Variants in LIPA observed in about 807,000 individuals in gnomAD.
LIPA encodes the protein lysosomal acid lipase/cholesteryl ester hydrolase.
In LIPA, 26 loss-of-function variants were observed where a neutral mutation model predicts 40.6. The ratio of observed to expected loss-of-function variants is 0.64; its 90% CI spans 0.47 to 0.89. The LOEUF (loss-of-function observed/expected upper bound fraction) is 0.89, where lower values mean the gene tolerates loss of function less well. Ranked by LOEUF, LIPA falls within the 40% of genes least tolerant of loss-of-function variation. The probability of loss-of-function intolerance (pLI) is 0.00; values close to 1 mark genes in which losing one functional copy is unlikely to be tolerated. For synonymous variants in LIPA, 188 were observed against 168.4 expected (o/e 1.12, Z -0.90); for missense variants, 455 against 479.6 (o/e 0.95, Z 0.48).
At chr10:89,237,542 G>C (rs192886759) in intron 3 of LIPA, among the ~76,000 whole-genome samples, 1 of 152,244 alleles carries the variant, frequency 6.6e-6, no homozygotes, top group East Asian at 1.9e-4. Context: ...GAAGGGATAG[G>C]CTAACTCTAC....
At chr10:89,297,220 C>T (rs900524550) in intron 1 of LIPA, among the ~76,000 whole-genome samples, 2 of 152,168 alleles carry the variant, frequency 1.3e-5, no homozygotes, top group Non-Finnish European at 2.9e-5. Context: ...GTCCACATCC[C>T]TCCTGCAAAC....
At chr10:89,243,482 A>G (rs1195603677) in intron 3 of LIPA, among the ~76,000 whole-genome samples, 1 of 152,206 alleles carries the variant, frequency 6.6e-6, no homozygotes, top group Non-Finnish European at 1.5e-5. Flanking sequence ...TAGAGTAAAT[A>G]CTTTCAGTCT....
At chr10:89,409,074 A>G (rs899377591) in intron 2 of LIPA, among the ~76,000 whole-genome samples, 1 of 152,188 alleles carries the variant, frequency 6.6e-6, no homozygotes, top group Non-Finnish European at 1.5e-5. Flanking sequence ...CGGCTACGGG[A>G]GGCCTTAAGA....
intron 3 of LIPA, among the ~76,000 whole-genome samples, chr10:89,242,026 G>T (rs1842970743): frequency 6.6e-6 from 1 of 151,894 alleles, no homozygotes. Flanking sequence ...CCAAAACCAA[G>T]AATTCTACCT....
chr10:89,245,702 T>G lies in LIPA; in HGVS notation c.203A>C (p.His68Pro), dbSNP rs757920082. The change falls in exon 3 of 10, where the codon CAT becomes CCT. Residue 68 changes from histidine to proline, a missense_variant. Transcript: ENST00000336233. ...GYILCLNRIP[H>P]GRKNHSDKGP... ...TTTGTCAGAATGGTTCTTCCTCCCA[T>G]GAGGAATTCGGTTAAGGCACAGAAT... The G allele has an allele frequency of 6.3e-7, 1 of 1,588,446 alleles. No individual in the cohort carries two copies.
At chr10:89,242,743 G>T (rs770446138) in intron 3 of LIPA, among the ~76,000 whole-genome samples, 1 of 152,174 alleles carries the variant, frequency 6.6e-6, no homozygotes, top group Non-Finnish European at 1.5e-5. Context: ...CAGTATTTTT[G>T]TGTGTATTAA....
At chr10:89,329,062 T>C (rs1227904205) in intron 1 of LIPA, among the ~76,000 whole-genome samples, 1 of 152,148 alleles carries the variant, frequency 6.6e-6, no homozygotes, top group African/African-American at 2.4e-5. Context: ...CTTCAGGGGA[T>C]AGCATGTTAG....
chr10:89,359,205 G>A (rs1198634757), intron 2 of LIPA, among the ~76,000 whole-genome samples: 2 of 152,128 alleles, frequency 1.3e-5, no homozygotes, highest in African/African-American at 4.8e-5. Flanking sequence ...AATCTGGAAA[G>A]TCTGCCTAAG....
At chr10:89,297,526 A>T (rs1033493860) in intron 1 of LIPA, among the ~76,000 whole-genome samples, 2 of 152,192 alleles carry the variant, frequency 1.3e-5, no homozygotes, top group African/African-American at 4.8e-5. Flanking sequence ...AAGGTAATAC[A>T]GTGTCCGCAG....
At chr10:89,411,034 T>C (rs1490006178) in intron 2 of LIPA, among the ~76,000 whole-genome samples, 1 of 152,242 alleles carries the variant, frequency 6.6e-6, no homozygotes, top group African/African-American at 2.4e-5. Context: ...TTAAAACCTA[T>C]AATTGATAAC....
Position 89,236,737 on chromosome 10 carries a change from C to T in LIPA, c.230-8339G>A, listed in dbSNP as rs189794435. Among the ~76,000 whole-genome samples, 347 of 149,822 alleles carry T rather than the reference C, an allele frequency of 2.3e-3. 1 individual carries two copies. Among genetic ancestry groups the T allele is most frequent in the African/African-American group, 7.9e-3 (314 of 39,686 alleles). ...AAGTGCCAAAACCTTGCACTTTTTC[C>T]GAAATACCTTTTATCTCATATTGAA... On this transcript the variant is annotated intron_variant, in intron 3 of 9. Coordinates refer to ENST00000336233, the MANE Select transcript of LIPA (RefSeq NM_000235.4).
At chr10:89,315,827 TC>T (rs1181256568) in intron 1 of LIPA, among the ~76,000 whole-genome samples, 10 of 152,244 alleles carry the variant, frequency 6.6e-5, no homozygotes, top group Admixed American at 6.5e-4. Flanking sequence ...CCTGGAAAAT[TC>T]GAGAACTAGT....
At chr10:89,387,660 T>C (rs572711128) in intron 2 of LIPA, among the ~76,000 whole-genome samples, 4 of 152,344 alleles carry the variant, frequency 2.6e-5, no homozygotes, top group Admixed American at 2.6e-4. Flanking sequence ...TTTTGCCTAA[T>C]TATAAAACCA....
chr10:89,295,384 A>G (rs1478712591), intron 1 of LIPA, among the ~76,000 whole-genome samples: 1 of 152,258 alleles, frequency 6.6e-6, no homozygotes. Context: ...AAAAATCTCA[A>G]GGAAAAAGCA....
intron 1 of LIPA, chr10:89,342,425 T>A (rs1790763329): frequency 6.6e-6 from 1 of 152,006 alleles, no homozygotes; most frequent in Non-Finnish European, 1.5e-5. Flanking sequence ...AGAAATAACC[T>A]CCCCCATCCT....
intron 3 of LIPA, among the ~76,000 whole-genome samples, chr10:89,237,412 C>G (rs1842918231): frequency 6.6e-6 from 1 of 151,976 alleles, no homozygotes; most frequent in Non-Finnish European, 1.5e-5. Context: ...ATGTATCTGC[C>G]TGAACAGGTT....
intron 1 of LIPA, chr10:89,306,208 G>T (rs776931663): frequency 6.2e-7 from 1 of 1,614,180 alleles, no homozygotes; most frequent in Non-Finnish European, 8.5e-7. Flanking sequence ...TCCAGCAAGA[G>T]CATGCTGACC....
chr10:89,291,956 C>T (rs979046398), intron 1 of LIPA: 1 of 152,160 alleles, frequency 6.6e-6, no homozygotes, highest in Non-Finnish European at 1.5e-5. Context: ...GGTTAAGAAT[C>T]AGGTGTACCC....
chr10:89,348,168 C>A (rs988143628), intron 2 of LIPA, among the ~76,000 whole-genome samples: 5 of 152,176 alleles, frequency 3.3e-5, no homozygotes, highest in African/African-American at 9.7e-5. Context: ...GAATTCAAAG[C>A]ATTAAGTAGG....
Sources: gnomAD v4.1 joint callset for allele counts (sites outside exome capture counted in the v4.1 genomes callset) on GRCh38, gnomAD v4.1.1 for gene constraint, MANE v1.5 for transcripts, NCBI Gene and HGNC (gene_info 2026-07-23, HGNC 2026-07-21) for gene names.